Variants in INSC observed in about 807,000 individuals in gnomAD.
The protein encoded by INSC is protein inscuteable homolog.
Under a neutral mutation model 58.6 loss-of-function variants are expected in INSC, and 67 were observed. That is an observed-to-expected ratio of 1.14 (90% CI 0.94 to 1.40). INSC has a LOEUF of 1.40. Ranked by LOEUF, INSC falls within the 40% of genes most tolerant of loss-of-function variation. INSC has a pLI of 0.00. For missense variants in INSC, 714 were observed against 692.0 expected (o/e 1.03, Z -0.36); for synonymous variants, 262 against 276.1 (o/e 0.95, Z 0.51).
At chr11:15,115,476 G>T (rs1310004364) in intron 1 of INSC, among the ~76,000 whole-genome samples, 1 of 152,198 alleles carries the variant, frequency 6.6e-6, no homozygotes, top group African/African-American at 2.4e-5. Flanking sequence ...ACTTGTCCCA[G>T]CTGGGGTGTC....
At chr11:15,178,507 G>A (rs1849653351) in intron 5 of INSC, 60 bp downstream of exon 5, 4 of 1,570,066 alleles carry the variant, frequency 2.5e-6, no homozygotes, top group Non-Finnish European at 3.4e-6. Context: ...GGAAAGGAGA[G>A]AAAGAGGGGC....
At chr11:15,144,141 T>A (rs1215782221) in intron 1 of INSC, among the ~76,000 whole-genome samples, 1 of 152,198 alleles carries the variant, frequency 6.6e-6, no homozygotes, top group Non-Finnish European at 1.5e-5. Context: ...TAAGTTTCTA[T>A]GTTGGGAGGC....
chr11:15,227,277 C>T (rs1290799284), intron 9 of INSC, among the ~76,000 whole-genome samples: 2 of 152,086 alleles, frequency 1.3e-5, no homozygotes, highest in Non-Finnish European at 2.9e-5. Context: ...CCTGCCTGGG[C>T]CATTTATCAA....
chr11:15,207,091 G>A (rs538970478), intron 7 of INSC, among the ~76,000 whole-genome samples: 55 of 152,278 alleles, frequency 3.6e-4, no homozygotes, highest in Non-Finnish European at 6.8e-4. Flanking sequence ...GGAGGGGGCT[G>A]GAGACTAGAG....
intron 1 of INSC, among the ~76,000 whole-genome samples, chr11:15,139,795 C>G (rs1224377294): frequency 6.6e-6 from 1 of 152,226 alleles, no homozygotes; most frequent in East Asian, 1.9e-4. Context: ...ATGAAGGTGG[C>G]TAAAAGGGCC....
At chr11:15,188,467 T>A (rs1187275468) in intron 5 of INSC, 7 of 483,012 alleles carry the variant, frequency 1.4e-5, no homozygotes, top group Non-Finnish European at 1.6e-5. Flanking sequence ...ATCTGTTTCC[T>A]CCACTATGAA....
chr11:15,122,216 A>G (rs558623483), intron 1 of INSC, among the ~76,000 whole-genome samples: 18 of 152,346 alleles, frequency 1.2e-4, no homozygotes, highest in Admixed American at 5.2e-4. Context: ...GATAGAGAGT[A>G]ATGGGGTAGG....
At chr11:15,177,212 CAGG>C (rs1849603369) in intron 4 of INSC, 49 bp downstream of exon 4, 2 of 1,461,920 alleles carry the variant, frequency 1.4e-6, no homozygotes, top group Non-Finnish European at 1.9e-6. Context: ...CGACCTCTGG[CAGG>C]AGAAGGGGCT....
At chr11:15,117,370 G>C (rs1475468700) in intron 1 of INSC, among the ~76,000 whole-genome samples, 1 of 152,118 alleles carries the variant, frequency 6.6e-6, no homozygotes, top group East Asian at 1.9e-4. Context: ...CTGGGATCTA[G>C]CTTCTCTTTG....
At chr11:15,206,165 C>T (rs1344974105) in intron 7 of INSC, among the ~76,000 whole-genome samples, 1 of 152,174 alleles carries the variant, frequency 6.6e-6, no homozygotes, top group East Asian at 1.9e-4. Context: ...CCCTGCTTCC[C>T]AGGATGGCTG....
chr11:15,229,981 A>T lies in INSC; in HGVS notation c.1170+4153A>T, dbSNP rs555694160. On this transcript the variant is annotated intron_variant, in intron 9 of 12. Transcript: ENST00000379556. ...ATATTTATATATATATATATATATT[A>T]TATATATATATATATATATATATAT... Among the ~76,000 whole-genome samples, 21 of 21,354 alleles carry T rather than the reference A, an allele frequency of 9.8e-4. No homozygotes were observed. In the South Asian group the frequency reaches 0.025, roughly 26 times the overall value. 14.0% of individuals were successfully genotyped at this position (21,354 alleles called of 152,430 possible). A position where few individuals can be genotyped will look rare whatever the true frequency, so the allele number is the denominator to read the frequency against.
intron 2 of INSC, among the ~76,000 whole-genome samples, chr11:15,170,962 G>T (rs180791043): frequency 6.6e-6 from 1 of 152,300 alleles, no homozygotes; most frequent in South Asian, 2.1e-4. Context: ...GTGCTGAATC[G>T]ATTAGGAGTT....
intron 5 of INSC, among the ~76,000 whole-genome samples, chr11:15,190,155 G>A (rs758114455): frequency 2.0e-4 from 31 of 152,178 alleles, no homozygotes; most frequent in Non-Finnish European, 4.3e-4. Flanking sequence ...CAAGCAGCAA[G>A]CTATTGGGGA....
chr11:15,179,202 A>C (rs936166584), intron 5 of INSC, among the ~76,000 whole-genome samples: 3 of 152,228 alleles, frequency 2.0e-5, no homozygotes, highest in Non-Finnish European at 2.9e-5. Context: ...GAGAGGACTA[A>C]GCAAAGGCAT....
intron 9 of INSC, among the ~76,000 whole-genome samples, chr11:15,228,200 T>A (rs1851713782): frequency 6.6e-6 from 1 of 152,208 alleles, no homozygotes; most frequent in Non-Finnish European, 1.5e-5. Flanking sequence ...AATGGGACCC[T>A]CCAGAGAGGA....
intron 1 of INSC, among the ~76,000 whole-genome samples, chr11:15,115,291 G>A (rs2133668758): frequency 6.6e-6 from 1 of 152,334 alleles, no homozygotes; most frequent in Non-Finnish European, 1.5e-5. Flanking sequence ...GGCACCTGCT[G>A]CCCTGGGTGC....
rs143590064 is a variant in INSC, at chr11:15,202,604, G to C, written c.819+1655G>C. Among the ~76,000 whole-genome samples, 19 of 152,296 alleles carry C rather than the reference G, an allele frequency of 1.2e-4. 1 individual carries two copies. The East Asian group carries it at 3.7e-3, about 29-fold the overall frequency. ...CTCCTATAAAACTTGTCCTTCCTTGGATAGTGTACAAACGACCAAATGGGG... is the reference window on the plus strand; with the variant it reads ...CTCCTATAAAACTTGTCCTTCCTTGCATAGTGTACAAACGACCAAATGGGG... On this transcript the variant is annotated intron_variant, in intron 7 of 12. Transcript: ENST00000379556.
intron 6 of INSC, among the ~76,000 whole-genome samples, chr11:15,198,654 A>G (rs911839041): frequency 2.0e-5 from 3 of 152,140 alleles, no homozygotes; most frequent in South Asian, 2.1e-4. Context: ...GCACACACAT[A>G]TATAAATATA....
chr11:15,234,806 T>C (rs1852058777), intron 9 of INSC, among the ~76,000 whole-genome samples: 1 of 152,182 alleles, frequency 6.6e-6, no homozygotes, highest in Admixed American at 6.5e-5. Flanking sequence ...TGGCACCCTT[T>C]TGCAGTTTGG....
Sources: gnomAD v4.1 joint callset for allele counts (sites outside exome capture counted in the v4.1 genomes callset) on GRCh38, gnomAD v4.1.1 for gene constraint, MANE v1.5 for transcripts, NCBI Gene and HGNC (gene_info 2026-07-23, HGNC 2026-07-21) for gene names.